ZNF611: variants seen among roughly 807,000 people sequenced by gnomAD.
ZNF611 encodes the protein zinc finger protein 611.
In ZNF611, 6 loss-of-function variants were observed where a neutral mutation model predicts 8.9. That is an observed-to-expected ratio of 0.68 (90% CI 0.37 to 1.34). The LOEUF is 1.34. Among genes scored for constraint, ZNF611 ranks in the 40% most tolerant of loss-of-function variants. ZNF611 has a pLI of 0.02. For missense variants in ZNF611, 874 were observed against 841.3 expected, an observed-to-expected ratio of 1.04 and a Z score of -0.48; for synonymous variants, 262 against 279.7, an observed-to-expected ratio of 0.94 and a Z score of 0.63.
chr19:52,711,237 C>G (rs1024586924), intron 5 of ZNF611: 1 of 152,160 alleles, frequency 6.6e-6, no homozygotes, highest in African/African-American at 2.4e-5. Context: ...GAGGCTGAGG[C>G]AGGAGAACCA....
At chr19:52,721,544 T>C (rs143854214) in intron 3 of ZNF611, among the ~76,000 whole-genome samples, 5,735 of 152,198 alleles carry the variant, frequency 0.038, 341 homozygotes, top group African/African-American at 0.13. Flanking sequence ...TCAGGCTTGG[T>C]GGCTTGTGAC....
Position 52,704,686 on chromosome 19 carries a change from T to TG in ZNF611, c.*250_*251insC, listed in dbSNP as rs2062227036. The TG allele has an allele frequency of 6.3e-7, 1 of 1,598,312 alleles. No homozygotes were observed. Among genetic ancestry groups the TG allele is most frequent in the South Asian group, 1.1e-5 (1 of 90,258 alleles). On this transcript the variant is annotated 3_prime_UTR_variant, in exon 6 of 6. Transcript: ENST00000652185. ...GAAGACTTTGTGACAATCATTACAT[T>TG]AGTCAAGTTTCCCTACACCATGAAT...
chr19:52,709,549 C>T (rs993049306), intron 5 of ZNF611, among the ~76,000 whole-genome samples: 20 of 152,144 alleles, frequency 1.3e-4, no homozygotes, highest in Admixed American at 1.2e-3. Context: ...GGATTACAGG[C>T]GTGAGCCACC....
chr19:52,725,405 G>C (rs541583397), intron 3 of ZNF611, among the ~76,000 whole-genome samples: 1 of 152,220 alleles, frequency 6.6e-6, no homozygotes, highest in Non-Finnish European at 1.5e-5. Flanking sequence ...GAGGCGCCCA[G>C]GGCGGGAATC....
At chr19:52,731,403 C>T (rs1223333166) in intron 1 of ZNF611, among the ~76,000 whole-genome samples, 1 of 151,888 alleles carries the variant, frequency 6.6e-6, no homozygotes, top group Non-Finnish European at 1.5e-5. Flanking sequence ...CGGACTCTAG[C>T]TCTGTTGCCC....
At chr19:52,714,543 C>A (rs1295888903) in intron 4 of ZNF611, among the ~76,000 whole-genome samples, 1 of 151,338 alleles carries the variant, frequency 6.6e-6, no homozygotes, top group Non-Finnish European at 1.5e-5. Context: ...TAAAAATTAG[C>A]CGGGCATGGT....
At position 52,711,741 on chromosome 19, in the gene ZNF611, A is replaced by G. The variant is rs573358389; in HGVS notation, c.190+2274T>C. The stretch of plus-strand genomic sequence containing the variant: ...TCCTATAATTTTGTCCAGTGGATGA[A>G]CAAGGTCTTCACTTACTCAGGGAGA... On this transcript the variant is annotated intron_variant, in intron 5 of 5. Transcript: ENST00000652185. Among the ~76,000 whole-genome samples, 5 of 152,264 alleles carry G rather than the reference A, an allele frequency of 3.3e-5. 1 individual carries two copies. In the South Asian group the frequency reaches 1.0e-3, roughly 32 times the overall value.
rs938202699 is a variant in ZNF611, at chr19:52,706,366, G to T, written c.689C>A (p.Ser230Tyr). 11 of 1,614,046 alleles carry T rather than the reference G, an allele frequency of 6.8e-6. No individual in the cohort carries two copies. Among genetic ancestry groups the T allele is most frequent in the African/African-American group, 6.7e-5 (5 of 74,928 alleles). ...TTTGCCACTCTTATTACATTGGAAA[G>T]ATTTTTCTCTCATGTGTACTTCCTG... is the stretch of plus-strand genomic sequence containing the variant. ...QKQEVHMREK[S>Y]FQCNKSGKAF... Residue 230 changes from serine (S) to tyrosine (Y), a missense_variant, in exon 6 of 6, where the codon TCT becomes TAT. By Grantham distance (144) the Ser-to-Tyr change is moderately radical. Coordinates refer to ENST00000652185, the MANE Select transcript of ZNF611 (RefSeq NM_001161499.2).
chr19:52,705,571 GAATTT>G lies in ZNF611; in HGVS notation c.1479_1483del (p.Gln493HisfsTer7). On this transcript the variant is annotated frameshift_variant, in exon 6 of 6. Transcript: ENST00000652185. LOFTEE classifies it low-confidence loss of function (END_TRUNC). ...AATTGACTTATGAATTAAAAGATCT[GAATTT>G]TGACCAAAGGTCTTCCCACATTCAT... is the stretch of plus-strand genomic sequence containing the variant. 1 of 1,614,018 alleles carries G rather than the reference GAATTT, an allele frequency of 6.2e-7. No individual in the cohort carries two copies. Among genetic ancestry groups the G allele is most frequent in the Non-Finnish European group, 8.5e-7 (1 of 1,180,020 alleles).
chr19:52,726,119 C>T (rs971921202), intron 3 of ZNF611, among the ~76,000 whole-genome samples: 9 of 152,330 alleles, frequency 5.9e-5, no homozygotes, highest in Non-Finnish European at 1.3e-4. Context: ...TTCTATTCTC[C>T]ATTCACTCAG....
chr19:52,707,006 A>C, intron 5 of ZNF611, 142 bp from the exon 6 acceptor site: 1 of 1,352,610 alleles, frequency 7.4e-7, no homozygotes, highest in Non-Finnish European at 1.0e-6. Flanking sequence ...CGAAAGGAGC[A>C]ATATTCTTTA....
intron 3 of ZNF611, among the ~76,000 whole-genome samples, chr19:52,720,039 T>C (rs1199262323): frequency 1.5e-5 from 2 of 136,136 alleles, no homozygotes; most frequent in Non-Finnish European, 3.1e-5. Context: ...AATCCATTTA[T>C]TTAACCCTGA....
At chr19:52,716,017 C>G (rs1484087509) in intron 3 of ZNF611, 104 bp from the exon 4 acceptor site, 44 of 1,216,064 alleles carry the variant, frequency 3.6e-5, no homozygotes, top group Non-Finnish European at 8.2e-6. Flanking sequence ...AAAGAAGTCC[C>G]CCACTGCCCA....
At position 52,702,834 on chromosome 19, in the gene ZNF611, A is replaced by C. The variant is rs2062213680; in HGVS notation, c.*2103T>G. On this transcript the variant is annotated 3_prime_UTR_variant, in exon 6 of 6. Coordinates refer to ENST00000652185, the MANE Select transcript of ZNF611 (RefSeq NM_001161499.2). ...CTGGTTAAAGTACATTTTGATGTTTAGTTAAAAGGCCACTGACATATTTAC... is the reference window on the plus strand; with the variant it reads ...CTGGTTAAAGTACATTTTGATGTTTCGTTAAAAGGCCACTGACATATTTAC... 6.6e-6 allele frequency: 1 copy of C among 152,228 alleles called. No homozygotes were observed. The highest frequency in any genetic ancestry group is 1.5e-5 in the Non-Finnish European group (1 of 68,052). The allele number at this position is 152,228 out of a possible 1,614,324, so 9.4% of individuals were successfully genotyped here. A position where few individuals can be genotyped will look rare whatever the true frequency, so the allele number is the denominator to read the frequency against.
intron 1 of ZNF611, among the ~76,000 whole-genome samples, chr19:52,730,391 C>CAAAAA (rs1159350274): frequency 8.3e-4 from 61 of 73,544 alleles, no homozygotes; most frequent in Non-Finnish European, 1.3e-3. Context: ...GACTCCGTCT[C>CAAAAA]AAAAAAAAAA....
chr19:52,733,287 A>T lies in ZNF611; in HGVS notation c.-222+1714T>A, dbSNP rs137985707. Among the ~76,000 whole-genome samples the T allele has an allele frequency of 3.1e-3, 477 of 152,234 alleles. 2 individuals are homozygous for T. Among genetic ancestry groups the T allele is most frequent in the African/African-American group, 0.011 (456 of 41,544 alleles). ...TCCAATGAACTCACCCACTCATCTGAACCCAGTCTCTCGCCCCTTTTTTTT... is the reference window on the plus strand; with the variant it reads ...TCCAATGAACTCACCCACTCATCTGTACCCAGTCTCTCGCCCCTTTTTTTT... On this transcript the variant is annotated intron_variant, in intron 1 of 5. Coordinates refer to ENST00000652185, the MANE Select transcript of ZNF611 (RefSeq NM_001161499.2).
At chr19:52,734,560 CTTA>C (rs1183180729) in intron 1 of ZNF611, among the ~76,000 whole-genome samples, 3 of 149,902 alleles carry the variant, frequency 2.0e-5, no homozygotes, top group Non-Finnish European at 4.5e-5. Flanking sequence ...GCGACGGCGC[CTTA>C]GGACCAGGAT....
intron 4 of ZNF611, among the ~76,000 whole-genome samples, chr19:52,714,769 A>G (rs12981095): frequency 0.61 from 32,977 of 53,746 alleles, 13,607 homozygotes; most frequent in African/African-American, 0.84. Flanking sequence ...GGAGACCAAG[A>G]CGGGCAGATA....
chr19:52,714,856 G>C (rs1423421323), intron 4 of ZNF611, among the ~76,000 whole-genome samples: 1 of 151,704 alleles, frequency 6.6e-6, no homozygotes, highest in East Asian at 1.9e-4. Flanking sequence ...ATATTAGCTG[G>C]GTGTTGTGGT....
Sources: gnomAD v4.1 joint callset for allele counts (sites outside exome capture counted in the v4.1 genomes callset) on GRCh38, gnomAD v4.1.1 for gene constraint, MANE v1.5 for transcripts, NCBI Gene and HGNC (gene_info 2026-07-23, HGNC 2026-07-21) for gene names.